The following PRKCB variants were observed in gnomAD, a reference collection of about 807,000 sequenced individuals.
The protein encoded by PRKCB is protein kinase C beta.
PRKCB carries 13 observed loss-of-function variants against 81.5 expected under a neutral mutation model. That is an observed-to-expected ratio of 0.16 (90% CI 0.10 to 0.25). The LOEUF (loss-of-function observed/expected upper bound fraction) is 0.25, where lower values mean the gene tolerates loss of function less well. Among genes scored for constraint, PRKCB ranks in the 10% least tolerant of loss-of-function variants. The pLI, the probability that PRKCB is intolerant of heterozygous loss-of-function variation, is 1.00. For missense variants in PRKCB, 509 were observed against 875.7 expected, an observed-to-expected ratio of 0.58 and a Z score of 5.29; for synonymous variants, 335 against 321.4, an observed-to-expected ratio of 1.04 and a Z score of -0.45.
intron 2 of PRKCB, among the ~76,000 whole-genome samples, chr16:23,844,516 C>CT (rs962538251): frequency 3.9e-5 from 6 of 151,916 alleles, no homozygotes; most frequent in South Asian, 2.1e-4. Context: ...TCTAAAAGTT[C>CT]TTTTTTTTGA....
chr16:24,212,048 A>G (rs550836282), intron 16 of PRKCB, among the ~76,000 whole-genome samples: 43 of 152,132 alleles, frequency 2.8e-4, no homozygotes, highest in African/African-American at 9.9e-4. Flanking sequence ...GCAGCCCTCC[A>G]TTTCTCATCA....
At chr16:23,920,383 GC>G (rs1963806134) in intron 2 of PRKCB, among the ~76,000 whole-genome samples, 1 of 152,266 alleles carries the variant, frequency 6.6e-6, no homozygotes, top group East Asian at 1.9e-4. Flanking sequence ...ATAAATTCTG[GC>G]ATTTAAACCG....
chr16:24,050,724 G>A (rs1367972358), intron 5 of PRKCB, among the ~76,000 whole-genome samples: 1 of 152,026 alleles, frequency 6.6e-6, no homozygotes, highest in Non-Finnish European at 1.5e-5. Flanking sequence ...CTAACAATTG[G>A]CAAATGTGTC....
At position 24,083,223 on chromosome 16, in the gene PRKCB, G is replaced by A. The variant is rs34029317; in HGVS notation, c.530-9568G>A. On this transcript the variant is annotated intron_variant, in intron 5 of 16. Coordinates refer to ENST00000643927, the MANE Select transcript of PRKCB (RefSeq NM_002738.7). ...GTGTGCTAATGAGTATGCAGAACAA[G>A]AGGAACTCTCATTCATCACTGTGGG... Among the ~76,000 whole-genome samples, 584 of 152,296 alleles carry A rather than the reference G, an allele frequency of 3.8e-3. 2 individuals carry two copies. The highest frequency in any genetic ancestry group is 5.9e-3 in the Non-Finnish European group (402 of 68,020).
At chr16:23,844,397 TATTC>T (rs1462614551) in intron 2 of PRKCB, among the ~76,000 whole-genome samples, 1 of 152,218 alleles carries the variant, frequency 6.6e-6, no homozygotes, top group African/African-American at 2.4e-5. Flanking sequence ...TACATTCATT[TATTC>T]ATCCATCCAT....
rs559070277 is a variant in PRKCB, at chr16:23,901,521, G to A, written c.205+64115G>A. Among the ~76,000 whole-genome samples, 19 of 152,276 alleles carry A rather than the reference G, an allele frequency of 1.2e-4. 1 individual carries two copies. In the East Asian group the frequency reaches 2.7e-3, roughly 22 times the overall value. On this transcript the variant is annotated intron_variant, in intron 2 of 16. Transcript: ENST00000643927. Reference sequence around the variant, plus strand: ...AGTAGATGGATAGATGAGGGAATTCGAAGAGGAGGAAGCCGTGGGAGAAAT... The same window carrying A: ...AGTAGATGGATAGATGAGGGAATTCAAAGAGGAGGAAGCCGTGGGAGAAAT...
At chr16:24,194,685 T>G (rs1967853001) in intron 16 of PRKCB, among the ~76,000 whole-genome samples, 2 of 152,188 alleles carry the variant, frequency 1.3e-5, no homozygotes, top group Non-Finnish European at 2.9e-5. Flanking sequence ...ATTGATAATA[T>G]AAAAAGATTA....
intron 2 of PRKCB, among the ~76,000 whole-genome samples, chr16:23,926,191 A>C (rs1229877816): frequency 5.3e-5 from 8 of 152,068 alleles, no homozygotes; most frequent in African/African-American, 1.7e-4. Context: ...GGATCTCTTG[A>C]GCCCAGGAGT....
chr16:24,192,068 C>G (rs1193465926), intron 16 of PRKCB, among the ~76,000 whole-genome samples: 2 of 152,186 alleles, frequency 1.3e-5, no homozygotes, highest in African/African-American at 4.8e-5. Context: ...TGAACATAAA[C>G]ACCATCATTG....
chr16:24,206,665 G>C (rs1968051346), intron 16 of PRKCB, among the ~76,000 whole-genome samples: 1 of 152,170 alleles, frequency 6.6e-6, no homozygotes, highest in Non-Finnish European at 1.5e-5. Flanking sequence ...ACTCCCTCCA[G>C]ACAGAGTTCC....
In PRKCB at chr16:24,172,353, C is replaced by T. The variant is rs1567401190; in HGVS notation, c.1323C>T (p.Pro441=). The change falls in exon 11 of 17, where the codon CCC becomes CCT. Residue 441 remains proline (P), a synonymous_variant. Transcript: ENST00000643927. ...HIQQVGRFKE[P]HAVFYAAEIA... ...AGCAAGTCGGCCGGTTCAAGGAGCC[C>T]CATGCTGTGTAAGTGAGAACTAGTG... 1 of 1,613,524 alleles carries T rather than the reference C, an allele frequency of 6.2e-7. No homozygotes were observed.
chr16:24,172,432 T>G (rs1478333251), intron 11 of PRKCB, 71 bp downstream of exon 11: 13 of 1,370,760 alleles, frequency 9.5e-6, no homozygotes, highest in Non-Finnish European at 1.3e-5. Context: ...TTGAGGGTGT[T>G]TTTTTGCCAA....
intron 12 of PRKCB, among the ~76,000 whole-genome samples, chr16:24,177,933 C>T (rs747861947): frequency 3.1e-4 from 47 of 151,926 alleles, no homozygotes; most frequent in Non-Finnish European, 4.7e-4. Context: ...CCATCGAGAA[C>T]GCTGATGGAA....
chr16:23,866,973 CCTTCCCTTCCTTCCCTTCCTTCCCTT>C (rs1962803169), intron 2 of PRKCB, among the ~76,000 whole-genome samples: 1 of 93,030 alleles, frequency 1.1e-5, no homozygotes, highest in African/African-American at 4.5e-5. Flanking sequence ...TCCTTCCCTT[CCTTCCCTTCCTTCCCTTCCTTCCCTT>C]CCTTCCTTCC....
At chr16:24,163,544 G>A (rs971946420) in intron 10 of PRKCB, among the ~76,000 whole-genome samples, 4 of 152,208 alleles carry the variant, frequency 2.6e-5, no homozygotes, top group Non-Finnish European at 5.9e-5. Context: ...AAGAATAGAG[G>A]TAGTTCTAGC....
At chr16:23,839,018 C>T (rs760304979) in intron 2 of PRKCB, among the ~76,000 whole-genome samples, 2 of 152,306 alleles carry the variant, frequency 1.3e-5, no homozygotes, top group Non-Finnish European at 2.9e-5. Context: ...CCTTTCACTT[C>T]CATGAATCAG....
chr16:24,220,229 C>T lies in PRKCB; in HGVS notation c.*5413C>T. On this transcript the variant is annotated 3_prime_UTR_variant, in exon 17 of 17. Transcript: ENST00000643927. ...ATGCTGGCATTCAACATGTGGAAAG[C>T]TTGTCTTAGAGGGCTTTTCTTTGTA... 1 of 1,333,072 alleles carries T rather than the reference C, an allele frequency of 7.5e-7. No individual in the cohort carries two copies. Among genetic ancestry groups the T allele is most frequent in the South Asian group, 1.4e-5 (1 of 70,710 alleles). 82.6% of individuals were successfully genotyped at this position (1,333,072 alleles called of 1,614,324 possible).
intron 3 of PRKCB, among the ~76,000 whole-genome samples, chr16:24,008,531 A>G (rs755637371): frequency 2.3e-4 from 35 of 152,182 alleles, no homozygotes; most frequent in Non-Finnish European, 4.7e-4. Flanking sequence ...AGCTTGATGA[A>G]TTCTCACACA....
At chr16:23,910,002 G>T (rs947171732) in intron 2 of PRKCB, among the ~76,000 whole-genome samples, 6 of 152,156 alleles carry the variant, frequency 3.9e-5, no homozygotes, top group African/African-American at 9.7e-5. Flanking sequence ...GGACAAACAC[G>T]TTCAGTCCAT....
Sources: gnomAD v4.1 joint callset for allele counts (sites outside exome capture counted in the v4.1 genomes callset) on GRCh38, gnomAD v4.1.1 for gene constraint, MANE v1.5 for transcripts, NCBI Gene and HGNC (gene_info 2026-07-23, HGNC 2026-07-21) for gene names.